Variants in PCCA observed in about 807,000 individuals in gnomAD.
The protein encoded by PCCA is propionyl-CoA carboxylase alpha chain, mitochondrial.
In PCCA, 74 loss-of-function variants were observed where a neutral mutation model predicts 101.3. The observed-to-expected ratio is 0.73, with a 90% CI of 0.61 to 0.89. The LOEUF (loss-of-function observed/expected upper bound fraction) is 0.89. Ranked by LOEUF, PCCA falls within the 40% of genes least tolerant of loss-of-function variation. The pLI, the probability that PCCA is intolerant of heterozygous loss-of-function variation, is 0.00. For missense variants in PCCA, 891 were observed against 907.0 expected, an observed-to-expected ratio of 0.98 and a Z score of 0.23; for synonymous variants, 294 against 313.6, an observed-to-expected ratio of 0.94 and a Z score of 0.66.
At chr13:100,422,152 T>C (rs1268329538) in intron 19 of PCCA, among the ~76,000 whole-genome samples, 35 of 138,878 alleles carry the variant, frequency 2.5e-4, no homozygotes, top group African/African-American at 9.3e-4. Flanking sequence ...TTTTTTTTTT[T>C]GACAGCATTT....
intron 21 of PCCA, among the ~76,000 whole-genome samples, chr13:100,477,948 C>T (rs910567546): frequency 6.6e-5 from 10 of 152,190 alleles, no homozygotes; most frequent in African/African-American, 1.9e-4. Flanking sequence ...GGCCTGTGGC[C>T]GCGGGCAGTA....
At chr13:100,275,392 C>T (rs111658821) in intron 12 of PCCA, among the ~76,000 whole-genome samples, 205 of 152,244 alleles carry the variant, frequency 1.3e-3, no homozygotes, top group African/African-American at 4.7e-3. Context: ...GCTCCCCAGC[C>T]GTGGGGAAGC....
intron 19 of PCCA, among the ~76,000 whole-genome samples, chr13:100,399,944 A>G (rs2077237443): frequency 6.6e-6 from 1 of 152,234 alleles, no homozygotes; most frequent in Non-Finnish European, 1.5e-5. Context: ...GGAGATAACA[A>G]TCATTAATGA....
intron 19 of PCCA, among the ~76,000 whole-genome samples, chr13:100,373,438 A>G (rs1366644058): frequency 6.6e-6 from 1 of 152,220 alleles, no homozygotes. Context: ...TAATTCTGAT[A>G]TGTGCTATAT....
intron 21 of PCCA, among the ~76,000 whole-genome samples, chr13:100,492,356 G>A (rs548600822): frequency 3.3e-5 from 5 of 152,180 alleles, no homozygotes; most frequent in East Asian, 1.9e-4. Context: ...GGATGGTTTC[G>A]ATCTCCTGAC....
At chr13:100,188,429 A>G (rs141284829) in intron 6 of PCCA, among the ~76,000 whole-genome samples, 1 of 152,344 alleles carries the variant, frequency 6.6e-6, no homozygotes, top group African/African-American at 2.4e-5. Flanking sequence ...TCCATGGTGT[A>G]GATATACCAG....
At chr13:100,146,889 C>T (rs2052638348) in intron 4 of PCCA, among the ~76,000 whole-genome samples, 1 of 151,132 alleles carries the variant, frequency 6.6e-6, no homozygotes, top group Non-Finnish European at 1.5e-5. Context: ...AAGCTTATTG[C>T]AGCGCACAAT....
rs531963848 is a variant in PCCA, at chr13:100,200,654, A to T, written c.469-8678A>T. ...TAACTATATTATATTAATAAAATAT[A>T]TACCATATGGCAATATATTTACTAT... On this transcript the variant is annotated intron_variant, in intron 6 of 23. Transcript: ENST00000376285. 6.6e-5 allele frequency among the ~76,000 whole-genome samples: 10 copies of T among 150,416 alleles called. No homozygotes were observed. In the South Asian group the frequency reaches 2.1e-3, roughly 31 times the overall value.
At chr13:100,102,139 C>A (rs1284355899) in intron 1 of PCCA, among the ~76,000 whole-genome samples, 2 of 151,040 alleles carry the variant, frequency 1.3e-5, no homozygotes, top group Admixed American at 6.6e-5. Flanking sequence ...TTTTCTTTTT[C>A]TCCTTTCTTT....
intron 7 of PCCA, among the ~76,000 whole-genome samples, chr13:100,219,550 G>A (rs2059697995): frequency 6.6e-6 from 1 of 152,128 alleles, no homozygotes; most frequent in Admixed American, 6.5e-5. Context: ...GAAATGTGAC[G>A]GGTATTATCC....
chr13:100,107,442 G>A (rs2047910819), intron 2 of PCCA, among the ~76,000 whole-genome samples: 3 of 151,992 alleles, frequency 2.0e-5, no homozygotes, highest in African/African-American at 4.8e-5. Context: ...CAGTCCCTGC[G>A]CTCTGGGAGG....
chr13:100,125,759 G>A (rs570434281), intron 4 of PCCA, among the ~76,000 whole-genome samples: 14 of 152,108 alleles, frequency 9.2e-5, no homozygotes, highest in African/African-American at 3.1e-4. Context: ...ACAGTATACT[G>A]TATCAATTTT....
chr13:100,386,101 A>G (rs2076485049), intron 19 of PCCA, among the ~76,000 whole-genome samples: 1 of 152,224 alleles, frequency 6.6e-6, no homozygotes, highest in Non-Finnish European at 1.5e-5. Flanking sequence ...AACTAGCAAA[A>G]GGTAGTGAAA....
At chr13:100,481,894 T>A (rs1271508956) in intron 21 of PCCA, among the ~76,000 whole-genome samples, 1 of 152,240 alleles carries the variant, frequency 6.6e-6, no homozygotes, top group Non-Finnish European at 1.5e-5. Context: ...TTACAGTTCC[T>A]GGGGTGAAAG....
chr13:100,428,352 A>AC (rs1163065858), intron 20 of PCCA, among the ~76,000 whole-genome samples: 200 of 13,144 alleles, frequency 0.015, no homozygotes, highest in Middle Eastern at 0.083. Context: ...CCCCACCCCC[A>AC]CCCCCCCCAC....
chr13:100,384,706 T>G (rs140258735), intron 19 of PCCA, among the ~76,000 whole-genome samples: 99 of 152,282 alleles, frequency 6.5e-4, no homozygotes, highest in African/African-American at 2.3e-3. Context: ...CTTTTAATCT[T>G]GAACATGAAA....
intron 21 of PCCA, among the ~76,000 whole-genome samples, chr13:100,489,042 A>G (rs1378513446): frequency 6.6e-6 from 1 of 152,166 alleles, no homozygotes; most frequent in African/African-American, 2.4e-5. Flanking sequence ...GCGGTGGCTC[A>G]CGCCTGTAAT....
chr13:100,166,453 C>T (rs1487830914), intron 6 of PCCA, among the ~76,000 whole-genome samples: 1 of 152,122 alleles, frequency 6.6e-6, no homozygotes, highest in African/African-American at 2.4e-5. Flanking sequence ...TGTGCACCAC[C>T]ATGCCCAGCT....
At chr13:100,131,820 CT>C (rs2050546803) in intron 4 of PCCA, among the ~76,000 whole-genome samples, 1 of 152,114 alleles carries the variant, frequency 6.6e-6, no homozygotes, top group Non-Finnish European at 1.5e-5. Flanking sequence ...TTCCTGCACT[CT>C]TGTGGCTTCC....
Sources: gnomAD v4.1 joint callset for allele counts (sites outside exome capture counted in the v4.1 genomes callset) on GRCh38, gnomAD v4.1.1 for gene constraint, MANE v1.5 for transcripts, NCBI Gene and HGNC (gene_info 2026-07-23, HGNC 2026-07-21) for gene names.